NR5A1: variants seen among roughly 807,000 people sequenced by gnomAD.
NR5A1 encodes nuclear receptor subfamily 5 group A member 1.
In NR5A1, 6 loss-of-function variants were observed where a neutral mutation model predicts 42.7. The observed-to-expected ratio is 0.14, with a 90% CI of 0.08 to 0.28. The LOEUF is 0.28. NR5A1 is among the 10% of genes least tolerant of loss of function. The pLI, the probability that NR5A1 is intolerant of heterozygous loss-of-function variation, is 1.00. For synonymous variants in NR5A1, 274 were observed against 277.5 expected (o/e 0.99, Z 0.12); for missense variants, 442 against 626.4 (o/e 0.71, Z 3.14).
At chr9:124,488,398 C>A (rs1478794295) in intron 6 of NR5A1, among the ~76,000 whole-genome samples, 2 of 152,104 alleles carry the variant, frequency 1.3e-5, no homozygotes, top group African/African-American at 2.4e-5. Context: ...TCCTCTGGCA[C>A]CCCCAACCTC....
Position 124,501,692 on chromosome 9 carries a change from C to T in NR5A1, c.245-977G>A, listed in dbSNP as rs192972454. Among the ~76,000 whole-genome samples the T allele has an allele frequency of 2.6e-5, 4 of 152,314 alleles. No homozygotes were observed. Among genetic ancestry groups the T allele is most frequent in the East Asian group, 3.9e-4 (2 of 5,168 alleles). On this transcript the variant is annotated intron_variant, in intron 3 of 6. Transcript: ENST00000373588. The surrounding 1 kb of genome is among the most constrained non-coding windows in gnomAD (Gnocchi z 4.1). ...CTGCCCACAACAGCCAGCTATCTGG[C>T]CCCTTGGGACCTGGCACTAGGGGCA...
chr9:124,497,887 G>A (rs531894379), intron 4 of NR5A1, among the ~76,000 whole-genome samples: 80 of 152,312 alleles, frequency 5.3e-4, no homozygotes, highest in Non-Finnish European at 8.8e-4. Flanking sequence ...ACTGTTCTCC[G>A]ACTTCCTTAG....
intron 6 of NR5A1, among the ~76,000 whole-genome samples, chr9:124,490,022 C>G (rs1287029553): frequency 6.6e-6 from 1 of 152,190 alleles, no homozygotes; most frequent in East Asian, 1.9e-4. Flanking sequence ...GCATGCCCCT[C>G]GCAGACTGTG....
Position 124,482,634 on chromosome 9 carries a change from G to A in NR5A1, c.*124C>T. On this transcript the variant is annotated 3_prime_UTR_variant, in exon 7 of 7. Transcript: ENST00000373588. Reference sequence around the variant, plus strand: ...ACTCAGGGGCAGCGGCCTCTGGGACGGGGCTGGGGCTCCTCGGTGGGCATC... The same window carrying A: ...ACTCAGGGGCAGCGGCCTCTGGGACAGGGCTGGGGCTCCTCGGTGGGCATC... The A allele has an allele frequency of 8.7e-7, 1 of 1,152,262 alleles. No individual in the cohort carries two copies. The highest frequency in any genetic ancestry group is 1.2e-6 in the Non-Finnish European group (1 of 807,210). 71.4% of individuals were successfully genotyped at this position (1,152,262 alleles called of 1,614,324 possible).
In NR5A1 at chr9:124,496,571, G is replaced by GC. The variant is rs1363790222; in HGVS notation, c.871-3423dup. Among the ~76,000 whole-genome samples, 3 of 152,290 alleles carry GC rather than the reference G, an allele frequency of 2.0e-5. No individual in the cohort carries two copies. Among genetic ancestry groups the GC allele is most frequent in the Non-Finnish European group, 4.4e-5 (3 of 68,026 alleles). On this transcript the variant is annotated intron_variant, in intron 4 of 6. Transcript: ENST00000373588. The surrounding 1 kb of genome is among the most constrained non-coding windows in gnomAD (Gnocchi z 5.0). ...TCCCTCCCAGCAGGGCCCCTCTGGA[G>GC]CCCCCTGGGGTCCGATTGGTCTGGC...
chr9:124,482,916 G>C lies in NR5A1; in HGVS notation c.1228C>G (p.Pro410Ala), dbSNP rs1431404986. 1 of 1,614,186 alleles carries C rather than the reference G, an allele frequency of 6.2e-7. No individual in the cohort carries two copies. Among genetic ancestry groups the C allele is most frequent in the Admixed American group, 1.7e-5 (1 of 60,018 alleles). Reference sequence around the variant, plus strand: ...TGCTGGAATTTGTCCCCGCAGTGCGGGTAGTGGCACAGGGTGTAGTCAAGC... The same window carrying C: ...TGCTGGAATTTGTCCCCGCAGTGCGCGTAGTGGCACAGGGTGTAGTCAAGC... ...ALLDYTLCHY[P>A]HCGDKFQQLL... The change falls in exon 7 of 7, where the codon CCG (proline) becomes GCG (alanine). Residue 410 changes from proline to alanine, a missense_variant. Transcript: ENST00000373588.
rs569411248 is a variant in NR5A1, at chr9:124,500,579, C to T, written c.381G>A (p.Gly127=). 3 of 1,612,094 alleles carry T rather than the reference C, an allele frequency of 1.9e-6. No homozygotes were observed. The highest frequency in any genetic ancestry group is 4.5e-5 in the East Asian group (2 of 44,880). The change falls in exon 4 of 7, where the codon GGG becomes GGA. Residue 127 remains glycine (G), a synonymous_variant. Coordinates refer to ENST00000373588, the MANE Select transcript of NR5A1 (RefSeq NM_004959.5). The surrounding 1 kb of genome is among the most constrained non-coding windows in gnomAD (Gnocchi z 6.9). ...GTGCGGGAGGGGGCGGCGGGGGCAC[C>T]CCCATCGGGGGCCCTGTCTCCAGCT... ...GFKLETGPPM[G]VPPPPPPAPD... is the part of the protein sequence containing the mutation.
intron 6 of NR5A1, among the ~76,000 whole-genome samples, chr9:124,489,749 G>GC (rs1554720944): frequency 3.6e-5 from 4 of 111,304 alleles, no homozygotes; most frequent in African/African-American, 1.5e-4. Flanking sequence ...GATCCTACCC[G>GC]CCCCCCACCC....
rs1832275520 is a variant in NR5A1, at chr9:124,489,779, AC to A, written c.1138+1301del. Among the ~76,000 whole-genome samples the A allele has an allele frequency of 7.9e-5, 10 of 126,172 alleles. No individual in the cohort carries two copies. The South Asian group carries it at 2.9e-3, about 37-fold the overall frequency. 82.8% of individuals were successfully genotyped at this position (126,172 alleles called of 152,430 possible). A position where few individuals can be genotyped will look rare whatever the true frequency, so the allele number is the denominator to read the frequency against. On this transcript the variant is annotated intron_variant, in intron 6 of 6. Transcript: ENST00000373588. ...CCACCCCAATGGCTGTCCCCTGCTG[AC>A]CCCTGCAGAGCCCCGGCTGGTGTCC...
chr9:124,493,833 C>G (rs1031530158), intron 4 of NR5A1, among the ~76,000 whole-genome samples: 1 of 152,194 alleles, frequency 6.6e-6, no homozygotes, highest in Non-Finnish European at 1.5e-5. Context: ...CAGAGACACT[C>G]GGTGCAGGGG....
In NR5A1 at chr9:124,503,226, G is replaced by A; in HGVS notation, c.103-6C>T. On this transcript the variant is annotated splice_polypyrimidine_tract_variant and splice_region_variant and intron_variant, in intron 2 of 6. Transcript: ENST00000373588. The surrounding 1 kb of genome is among the most constrained non-coding windows in gnomAD (Gnocchi z 9.6). The stretch of plus-strand genomic sequence containing the variant: ...ACCGTGCGCTTGAAGAAGCCCTGCG[G>A]GAGCTGAGAGTCAGCGAGGCCCCGC... 1 of 1,604,428 alleles carries A rather than the reference G, an allele frequency of 6.2e-7. No homozygotes were observed. The highest frequency in any genetic ancestry group is 8.5e-7 in the Non-Finnish European group (1 of 1,176,140).
chr9:124,503,799 G>A lies in NR5A1; in HGVS notation c.-15-389C>T, dbSNP rs1413862448. Among the ~76,000 whole-genome samples the A allele has an allele frequency of 6.6e-6, 1 of 152,240 alleles. No individual in the cohort carries two copies. Among genetic ancestry groups the A allele is most frequent in the Non-Finnish European group, 1.5e-5 (1 of 68,042 alleles). On this transcript the variant is annotated intron_variant, in intron 1 of 6. Transcript: ENST00000373588. This position sits in a 1 kb window ranked among gnomAD's most constrained non-coding sequence, Gnocchi z 9.6. ...CCAGGGGACCCAGGAGCGCTGGGGC[G>A]CCCGGCCCGGGTGTTCTGGGAACCC...
rs1306371890 is a variant in NR5A1, at chr9:124,503,199, G to C, written c.124C>G (p.Gln42Glu). 1 of 1,603,962 alleles carries C rather than the reference G, an allele frequency of 6.2e-7. No homozygotes were observed. The highest frequency in any genetic ancestry group is 1.3e-5 in the African/African-American group (1 of 74,684). The change falls in exon 3 of 7, where the codon CAG becomes GAG. Residue 42 changes from glutamine (Q) to glutamate (E), a missense_variant. Physicochemically the swap from Gln to Glu is conservative, Grantham distance 29. Coordinates refer to ENST00000373588, the MANE Select transcript of NR5A1 (RefSeq NM_004959.5). The surrounding 1 kb of genome is among the most constrained non-coding windows in gnomAD (Gnocchi z 9.6). ...GTGCACGTGTAGTGCTTGTTGTTCTGCACCGTGCGCTTGAAGAAGCCCTGC... is the reference window on the plus strand; with the variant it reads ...GTGCACGTGTAGTGCTTGTTGTTCTCCACCGTGCGCTTGAAGAAGCCCTGC... ...SCKGFFKRTV[Q>E]NNKHYTCTES... is the part of the protein sequence containing the mutation.
In NR5A1 at chr9:124,503,538, G is replaced by C; in HGVS notation, c.-15-128C>G. 2.9e-6 allele frequency: 2 copies of C among 696,336 alleles called. No individual in the cohort carries two copies. The highest frequency in any genetic ancestry group is 4.4e-4 in the Middle Eastern group (1 of 2,282). The allele number at this position is 696,336 out of a possible 1,614,324, so 43.1% of individuals were successfully genotyped here. On this transcript the variant is annotated intron_variant, in intron 1 of 6. Transcript: ENST00000373588. The surrounding 1 kb of genome is among the most constrained non-coding windows in gnomAD (Gnocchi z 9.6). The stretch of plus-strand genomic sequence containing the variant: ...CTCTCTGTGCCCAGGCGCTGCCGCC[G>C]GCACCCACCGAGCGCCCCGCGCAGC...
chr9:124,503,515 C>G lies in NR5A1; in HGVS notation c.-15-105G>C. 1.1e-6 allele frequency: 1 copy of G among 928,850 alleles called. No individual in the cohort carries two copies. The highest frequency in any genetic ancestry group is 2.9e-5 in the East Asian group (1 of 34,140). 57.5% of individuals were successfully genotyped at this position (928,850 alleles called of 1,614,324 possible). The stretch of plus-strand genomic sequence containing the variant: ...TCGCCGGCCCGTCGCGTAATCCCCT[C>G]TCTGTGCCCAGGCGCTGCCGCCGGC... On this transcript the variant is annotated intron_variant, in intron 1 of 6. Coordinates refer to ENST00000373588, the MANE Select transcript of NR5A1 (RefSeq NM_004959.5). This position sits in a 1 kb window ranked among gnomAD's most constrained non-coding sequence, Gnocchi z 9.6.
intron 6 of NR5A1, among the ~76,000 whole-genome samples, chr9:124,487,828 C>T (rs928641006): frequency 5.9e-5 from 9 of 152,198 alleles, no homozygotes; most frequent in African/African-American, 1.9e-4. Context: ...CTGCTCCAGA[C>T]CCTGGAGTCT....
chr9:124,491,274 T>TC (rs765562718), intron 5 of NR5A1, 46 bp from the exon 6 acceptor site: 1 of 1,502,302 alleles, frequency 6.7e-7, no homozygotes, highest in South Asian at 1.2e-5. Flanking sequence ...AGGACGTGGG[T>TC]CCGGGCAGGT....
intron 6 of NR5A1, among the ~76,000 whole-genome samples, chr9:124,489,811 G>A (rs1832276803): frequency 6.7e-6 from 1 of 148,340 alleles, no homozygotes; most frequent in Admixed American, 6.9e-5. Context: ...TGTCCTGAGA[G>A]GTGGCTTAAG....
intron 4 of NR5A1, among the ~76,000 whole-genome samples, chr9:124,494,704 T>C (rs1588619360): frequency 6.6e-6 from 1 of 151,620 alleles, no homozygotes; most frequent in Non-Finnish European, 1.5e-5. Context: ...ACTCCCCACC[T>C]GGGGCCAGAG....
Sources: gnomAD v4.1 joint callset for allele counts (sites outside exome capture counted in the v4.1 genomes callset) on GRCh38, gnomAD v4.1.1 for gene constraint, Gnocchi (gnomAD v3.1) non-coding constraint, MANE v1.5 for transcripts, NCBI Gene and HGNC (gene_info 2026-07-23, HGNC 2026-07-21) for gene names.